The following MBP variants were observed in gnomAD, a reference collection of about 807,000 sequenced individuals.
MBP encodes the protein Golli-MBP.
In MBP, 16 loss-of-function variants were observed where a neutral mutation model predicts 35.8. The ratio of observed to expected loss-of-function variants is 0.45; its 90% CI spans 0.30 to 0.68. The LOEUF is 0.68. Ranked by LOEUF, MBP falls within the 30% of genes least tolerant of loss-of-function variation. The pLI, the probability that MBP is intolerant of heterozygous loss-of-function variation, is 0.08. For missense variants in MBP, 380 were observed against 404.7 expected (o/e 0.94, Z 0.52); for synonymous variants, 143 against 159.6 (o/e 0.90, Z 0.78).
intron 8 of MBP, chr18:76,980,937 C>A (rs1290296925): frequency 6.2e-6 from 1 of 162,006 alleles, no homozygotes; most frequent in Non-Finnish European, 1.4e-5. Flanking sequence ...AGCCACGTGT[C>A]CATCCCTGGG....
intron 4 of MBP, among the ~76,000 whole-genome samples, chr18:77,009,070 C>T (rs1004695375): frequency 6.6e-5 from 10 of 152,228 alleles, no homozygotes; most frequent in African/African-American, 1.9e-4. Context: ...CCAGGTGCCA[C>T]GGTGCAGACG....
intron 3 of MBP, among the ~76,000 whole-genome samples, chr18:77,056,723 C>T (rs1168832316): frequency 6.6e-6 from 1 of 152,168 alleles, no homozygotes; most frequent in African/African-American, 2.4e-5. Context: ...GTCTTCCCTG[C>T]CTGTCTCACT....
At chr18:77,062,336 C>G (rs1017309915) in intron 3 of MBP, among the ~76,000 whole-genome samples, 1 of 152,174 alleles carries the variant, frequency 6.6e-6, no homozygotes, top group East Asian at 1.9e-4. Context: ...AGTGTGTGCA[C>G]TACCTGTGGG....
chr18:77,124,554 G>A (rs1304015232), intron 1 of MBP, among the ~76,000 whole-genome samples: 1 of 152,170 alleles, frequency 6.6e-6, no homozygotes, highest in Non-Finnish European at 1.5e-5. Flanking sequence ...CGGGGCAGCT[G>A]GGGCCGCACT....
At chr18:76,998,391 T>C (rs1261243967) in intron 4 of MBP, among the ~76,000 whole-genome samples, 4 of 152,200 alleles carry the variant, frequency 2.6e-5, no homozygotes, top group Non-Finnish European at 5.9e-5. Context: ...TATGCGCGGA[T>C]TGCTTTCTGC....
chr18:77,118,758 A>G (rs986984671), intron 1 of MBP, among the ~76,000 whole-genome samples: 1 of 143,606 alleles, frequency 7.0e-6, no homozygotes, highest in Non-Finnish European at 1.5e-5. Flanking sequence ...CACACACACC[A>G]CACACACACA....
intron 3 of MBP, among the ~76,000 whole-genome samples, chr18:77,028,855 A>G (rs1358554795): frequency 0.016 from 802 of 51,602 alleles, no homozygotes; most frequent in Middle Eastern, 0.043. Context: ...CCCAGATGTG[A>G]TGGCGGCCGG....
At chr18:77,048,412 G>T (rs545683924) in intron 3 of MBP, among the ~76,000 whole-genome samples, 17 of 152,318 alleles carry the variant, frequency 1.1e-4, no homozygotes, top group African/African-American at 3.6e-4. Flanking sequence ...ACTGTGCGAG[G>T]CCTTCTATTG....
chr18:77,025,705 C>CTTTTTTTTTTTTTTTT lies in MBP; in HGVS notation c.140-8453_140-8438dup, dbSNP rs540022394. ...GCGGACACTGTCCTCTATTGAAATACTTTTTTTTTTTTTTTTTTTTACCTA... is the reference window on the plus strand; with the variant it reads ...GCGGACACTGTCCTCTATTGAAATACTTTTTTTTTTTTTTTTTTTTTTTTTTTTTTTTTTTTACCTA... On this transcript the variant is annotated intron_variant, in intron 3 of 8. Transcript: ENST00000355994. Among the ~76,000 whole-genome samples the CTTTTTTTTTTTTTTTT allele has an allele frequency of 1.0e-3, 112 of 108,784 alleles. 12 individuals are homozygous for CTTTTTTTTTTTTTTTT. Among genetic ancestry groups the CTTTTTTTTTTTTTTTT allele is most frequent in the African/African-American group, 4.0e-3 (97 of 24,554 alleles). 71.4% of individuals were successfully genotyped at this position (108,784 alleles called of 152,430 possible).
intron 3 of MBP, among the ~76,000 whole-genome samples, chr18:77,030,288 C>T (rs996782570): frequency 1.3e-5 from 2 of 152,164 alleles, no homozygotes; most frequent in African/African-American, 2.4e-5. Context: ...GCAGAAAGTA[C>T]TGGAAGGAGA....
chr18:76,998,422 G>A (rs1186467635), intron 4 of MBP, among the ~76,000 whole-genome samples: 1 of 152,184 alleles, frequency 6.6e-6, no homozygotes, highest in Admixed American at 6.5e-5. Flanking sequence ...ACCCTTCCGG[G>A]GACTTCTGGG....
chr18:77,018,453 TTCATCCATTCG>T (rs1363497581), intron 3 of MBP, among the ~76,000 whole-genome samples: 1 of 112,020 alleles, frequency 8.9e-6, no homozygotes, highest in Non-Finnish European at 1.8e-5. Context: ...CATCCATCAA[TTCATCCATTCG>T]TCATCCATCC....
At chr18:77,008,135 G>T (rs1001122587) in intron 4 of MBP, among the ~76,000 whole-genome samples, 31 of 152,118 alleles carry the variant, frequency 2.0e-4, no homozygotes, top group African/African-American at 7.2e-4. Context: ...ACCTGCCAGC[G>T]CGTCACACAC....
chr18:77,100,725 G>C (rs1170555921), intron 2 of MBP, among the ~76,000 whole-genome samples: 1 of 151,786 alleles, frequency 6.6e-6, no homozygotes, highest in Admixed American at 6.6e-5. Context: ...CTAATTTTTT[G>C]ATTTTTTTGT....
chr18:77,058,684 G>T (rs953469370), intron 3 of MBP, among the ~76,000 whole-genome samples: 5 of 152,126 alleles, frequency 3.3e-5, no homozygotes, highest in Non-Finnish European at 7.3e-5. Flanking sequence ...ACAGACTGGG[G>T]ACCAAGTCTC....
chr18:77,028,955 CA>C (rs1196794037), intron 3 of MBP, among the ~76,000 whole-genome samples: 10 of 71,192 alleles, frequency 1.4e-4, no homozygotes, highest in East Asian at 1.1e-3. Context: ...AGAGGGGCTC[CA>C]TCCCAGACAA....
chr18:77,079,139 C>T (rs759657853), intron 2 of MBP, among the ~76,000 whole-genome samples: 3 of 152,244 alleles, frequency 2.0e-5, no homozygotes, highest in Non-Finnish European at 4.4e-5. Flanking sequence ...ACGGTTCCAA[C>T]GTGCTCAGAG....
chr18:77,127,267 C>G (rs1313098664), intron 1 of MBP: 1 of 152,178 alleles, frequency 6.6e-6, no homozygotes, highest in African/African-American at 2.4e-5. Flanking sequence ...GGTGCAAAAG[C>G]AATTTAATGG....
intron 3 of MBP, among the ~76,000 whole-genome samples, chr18:77,036,462 G>A (rs1972772608): frequency 7.8e-6 from 1 of 127,962 alleles, no homozygotes. Flanking sequence ...AGCAAGTGCT[G>A]GTCACATTTT....
Sources: gnomAD v4.1 joint callset for allele counts (sites outside exome capture counted in the v4.1 genomes callset) on GRCh38, gnomAD v4.1.1 for gene constraint, MANE v1.5 for transcripts, NCBI Gene and HGNC (gene_info 2026-07-23, HGNC 2026-07-21) for gene names.